PDZRN4: variants seen among roughly 807,000 people sequenced by gnomAD.
The protein encoded by PDZRN4 is PDZ domain-containing RING finger protein 4.
Under a neutral mutation model 99.0 loss-of-function variants are expected in PDZRN4, and 70 were observed. The observed-to-expected ratio is 0.71, with a 90% CI of 0.58 to 0.86. PDZRN4 has a LOEUF of 0.86. Among genes scored for constraint, PDZRN4 ranks in the 40% least tolerant of loss-of-function variants. The pLI is 0.00. For synonymous variants in PDZRN4, 551 were observed against 501.6 expected (o/e 1.10, Z -1.32); for missense variants, 1,474 against 1,331.2 (o/e 1.11, Z -1.67).
At chr12:41,347,619 T>C (rs1458110054) in intron 3 of PDZRN4, among the ~76,000 whole-genome samples, 2 of 151,878 alleles carry the variant, frequency 1.3e-5, no homozygotes, top group Admixed American at 1.3e-4. Context: ...TCTGATGATA[T>C]TTTTAGCTGC....
intron 3 of PDZRN4, among the ~76,000 whole-genome samples, chr12:41,437,159 T>C (rs1440219480): frequency 6.6e-6 from 1 of 152,202 alleles, no homozygotes; most frequent in Non-Finnish European, 1.5e-5. Flanking sequence ...AGTAATGGTC[T>C]TTACATATGA....
At chr12:41,267,277 G>A (rs2120848463) in intron 3 of PDZRN4, among the ~76,000 whole-genome samples, 1 of 152,294 alleles carries the variant, frequency 6.6e-6, no homozygotes. Flanking sequence ...TCCTGTGCCT[G>A]TGGCAGACAT....
intron 3 of PDZRN4, among the ~76,000 whole-genome samples, chr12:41,406,620 A>G (rs1486493545): frequency 1.3e-5 from 2 of 152,106 alleles, no homozygotes; most frequent in South Asian, 2.1e-4. Flanking sequence ...CAGGCCCGGC[A>G]CGGTGGCTCA....
chr12:41,296,414 T>C (rs1951494435), intron 3 of PDZRN4, among the ~76,000 whole-genome samples: 2 of 152,186 alleles, frequency 1.3e-5, no homozygotes, highest in South Asian at 4.1e-4. Context: ...GTTGACTTTA[T>C]GAAGGGTCAA....
At chr12:41,444,692 C>T (rs2733291) in intron 3 of PDZRN4, among the ~76,000 whole-genome samples, 77,383 of 151,870 alleles carry the variant, frequency 0.51, 20,189 homozygotes, top group African/African-American at 0.64. Flanking sequence ...AAAGCTTTTC[C>T]TGTCCCTTTT....
chr12:41,572,473 A>G lies in PDZRN4; in HGVS notation c.1694A>G (p.Asp565Gly). The G allele has an allele frequency of 6.2e-7, 1 of 1,614,160 alleles. No homozygotes were observed. Among genetic ancestry groups the G allele is most frequent in the Non-Finnish European group, 8.5e-7 (1 of 1,179,998 alleles). The part of the protein sequence containing the change: ...VGRTDESLRN[D>G]ESSEQENAAE... ...CGTACAGATGAAAGCTTGCGAAATG[A>G]TGAGAGCTCAGAGCAGGAGAATGCA... The change falls in exon 10 of 10, where the codon GAT becomes GGT. Residue 565 changes from aspartate to glycine, a missense_variant. Physicochemically the swap from Asp to Gly is moderately conservative, Grantham distance 94. Coordinates refer to ENST00000402685, the MANE Select transcript of PDZRN4 (RefSeq NM_001164595.2).
intron 3 of PDZRN4, among the ~76,000 whole-genome samples, chr12:41,351,276 G>A (rs1951887820): frequency 1.3e-5 from 2 of 152,032 alleles, no homozygotes; most frequent in South Asian, 4.1e-4. Context: ...AACCAAGGAG[G>A]AGTACTCTTT....
chr12:41,545,869 A>G (rs1178521089), intron 5 of PDZRN4, among the ~76,000 whole-genome samples: 1 of 152,032 alleles, frequency 6.6e-6, no homozygotes, highest in Non-Finnish European at 1.5e-5. Context: ...AGGGCATGGT[A>G]GCAGAACTGC....
chr12:41,193,256 G>A (rs908587758), intron 2 of PDZRN4, among the ~76,000 whole-genome samples: 14 of 151,964 alleles, frequency 9.2e-5, no homozygotes, highest in Admixed American at 5.2e-4. Flanking sequence ...AGATGACATC[G>A]GGCCTTTTTA....
chr12:41,552,820 C>T, intron 6 of PDZRN4, 66 bp downstream of exon 6: 2 of 1,258,422 alleles, frequency 1.6e-6, no homozygotes, highest in Non-Finnish European at 2.3e-6. Flanking sequence ...AAATGACTCA[C>T]AATGAGAAAA....
chr12:41,539,706 A>G (rs1052397979), intron 5 of PDZRN4, among the ~76,000 whole-genome samples: 9 of 152,124 alleles, frequency 5.9e-5, no homozygotes, highest in African/African-American at 2.2e-4. Context: ...TTCTTTGTTA[A>G]TCTTCCTTTT....
chr12:41,507,140 A>C (rs1376965907), intron 4 of PDZRN4, among the ~76,000 whole-genome samples: 1 of 152,062 alleles, frequency 6.6e-6, no homozygotes, highest in African/African-American at 2.4e-5. Flanking sequence ...TCTTCCTTGC[A>C]TTTCTCTTCT....
chr12:41,318,906 G>T (rs1951656535), intron 3 of PDZRN4, among the ~76,000 whole-genome samples: 1 of 152,040 alleles, frequency 6.6e-6, no homozygotes, highest in South Asian at 2.1e-4. Context: ...TTTGGAAAGT[G>T]GCCTGTCACA....
intron 3 of PDZRN4, among the ~76,000 whole-genome samples, chr12:41,379,208 C>A (rs890482141): frequency 2.1e-5 from 3 of 145,814 alleles, no homozygotes; most frequent in African/African-American, 7.5e-5. Context: ...TCTCCTCTTT[C>A]ATTTATAATT....
At chr12:41,276,913 T>C (rs1380220545) in intron 3 of PDZRN4, among the ~76,000 whole-genome samples, 1 of 152,194 alleles carries the variant, frequency 6.6e-6, no homozygotes, top group African/African-American at 2.4e-5. Flanking sequence ...TTAATAATAA[T>C]GTCATGCATA....
In PDZRN4 at chr12:41,458,603, A is replaced by AT. The variant is rs569661112; in HGVS notation, c.844-47846dup. ...TTTCACACTGGTTTTTAGTATAGCC[A>AT]TTTTTTTGCCAGATGAAGTAAGGAG... On this transcript the variant is annotated intron_variant, in intron 3 of 9. Transcript: ENST00000402685. Among the ~76,000 whole-genome samples, 343 of 152,242 alleles carry AT rather than the reference A, an allele frequency of 2.3e-3. 2 individuals carry two copies. Among genetic ancestry groups the AT allele is most frequent in the Non-Finnish European group, 4.4e-3 (301 of 68,016 alleles).
At position 41,542,847 on chromosome 12, in the gene PDZRN4, A is replaced by G. The variant is rs564752426; in HGVS notation, c.1204-9809A>G. Among the ~76,000 whole-genome samples, 10 of 152,288 alleles carry G rather than the reference A, an allele frequency of 6.6e-5. No individual in the cohort carries two copies. The South Asian group carries it at 1.2e-3, about 19-fold the overall frequency. ...TTTCTAAAAAATCTAATCAATACTA[A>G]AGATAAAATAGAAGAAATTTATGCT... On this transcript the variant is annotated intron_variant, in intron 5 of 9. Transcript: ENST00000402685.
At chr12:41,337,921 C>G (rs1951787512) in intron 3 of PDZRN4, among the ~76,000 whole-genome samples, 2 of 151,842 alleles carry the variant, frequency 1.3e-5, no homozygotes, top group Admixed American at 1.3e-4. Context: ...TATGTGCTGT[C>G]TTTTTTTTGT....
At chr12:41,289,002 T>A (rs568145020) in intron 3 of PDZRN4, among the ~76,000 whole-genome samples, 11 of 152,090 alleles carry the variant, frequency 7.2e-5, no homozygotes, top group Admixed American at 2.0e-4. Context: ...AACAAAGATC[T>A]GAAAAAAAAT....
Sources: gnomAD v4.1 joint callset for allele counts (sites outside exome capture counted in the v4.1 genomes callset) on GRCh38, gnomAD v4.1.1 for gene constraint, MANE v1.5 for transcripts, NCBI Gene and HGNC (gene_info 2026-07-23, HGNC 2026-07-21) for gene names.